The following WDFY4 variants were observed in gnomAD, a reference collection of about 807,000 sequenced individuals.
WDFY4 encodes the protein WDFY family member 4.
A neutral mutation model predicts 351.9 loss-of-function variants in WDFY4; 169 were observed. That is an observed-to-expected ratio of 0.48 (90% CI 0.42 to 0.55). The LOEUF is 0.55. Ranked by LOEUF, WDFY4 falls within the 20% of genes least tolerant of loss-of-function variation. The probability of loss-of-function intolerance (pLI) is 0.00; values close to 1 mark genes in which losing one functional copy is unlikely to be tolerated. For missense variants in WDFY4, 3,803 were observed against 3,935.6 expected (o/e 0.97, Z 0.90); for synonymous variants, 1,622 against 1,574.6 (o/e 1.03, Z -0.71).
rs962956181 is a variant in WDFY4 at position 48,913,542 on chromosome 10, T to A, written c.7586+11679T>A. ...TTTTCTCAGGCAAGCCGCACACAGA[T>A]CCTTCTCCTCCACAACATACAAGTT... On this transcript the variant is annotated intron_variant, in intron 47 of 61. Coordinates refer to ENST00000325239, the MANE Select transcript of WDFY4 (RefSeq NM_001394531.1). 3.7e-6 allele frequency: 6 copies of A among 1,614,008 alleles called. No individual in the cohort carries two copies. In the South Asian group the frequency reaches 5.5e-5, roughly 15 times the overall value.
intron 39 of WDFY4, among the ~76,000 whole-genome samples, chr10:48,840,314 G>A: frequency 6.6e-6 from 1 of 151,974 alleles, no homozygotes; most frequent in East Asian, 1.9e-4. Flanking sequence ...AATTCAACCA[G>A]CCTGGGGCGG....
intron 43 of WDFY4, chr10:48,878,338 T>A (rs897921605): frequency 1.3e-5 from 2 of 152,104 alleles, no homozygotes; most frequent in Admixed American, 1.3e-4. Context: ...TGGGAGTGGA[T>A]CTGAACCAAG....
chr10:48,922,190 T>G (rs1839143779), intron 47 of WDFY4, among the ~76,000 whole-genome samples: 1 of 152,176 alleles, frequency 6.6e-6, no homozygotes, highest in Non-Finnish European at 1.5e-5. Context: ...AATAAGAAAT[T>G]CATACATTTT....
chr10:48,786,111 T>C (rs2066396864), intron 19 of WDFY4, among the ~76,000 whole-genome samples: 1 of 152,178 alleles, frequency 6.6e-6, no homozygotes, highest in Non-Finnish European at 1.5e-5. Flanking sequence ...TTGTAAGTGG[T>C]ATTGTGTTTA....
At chr10:48,955,932 A>C (rs535932505) in intron 51 of WDFY4, among the ~76,000 whole-genome samples, 1 of 152,258 alleles carries the variant, frequency 6.6e-6, no homozygotes, top group Admixed American at 6.5e-5. Context: ...TTTTTGTTAT[A>C]CAAAGGCCCA....
chr10:48,801,555 C>G (rs1321212466), intron 24 of WDFY4: 1 of 455,646 alleles, frequency 2.2e-6, no homozygotes, highest in Non-Finnish European at 4.4e-6. Context: ...ACTAGAGCTG[C>G]CTTCATCAAT....
intron 38 of WDFY4, among the ~76,000 whole-genome samples, chr10:48,831,209 A>G (rs1178160005): frequency 1.3e-5 from 2 of 152,118 alleles, no homozygotes; most frequent in Admixed American, 6.5e-5. Context: ...TTATCCACCG[A>G]CCAGCTTTGA....
At chr10:48,829,975 T>G (rs1213763231) in intron 37 of WDFY4, among the ~76,000 whole-genome samples, 1 of 152,224 alleles carries the variant, frequency 6.6e-6, no homozygotes, top group Non-Finnish European at 1.5e-5. Flanking sequence ...GGTACATACT[T>G]TGGGACTTGG....
intron 44 of WDFY4, among the ~76,000 whole-genome samples, chr10:48,896,429 A>G (rs1293256791): frequency 2.6e-5 from 4 of 152,132 alleles, no homozygotes; most frequent in Non-Finnish European, 5.9e-5. Context: ...AGGGCTGCCG[A>G]AGATGTCAGG....
intron 39 of WDFY4, among the ~76,000 whole-genome samples, chr10:48,846,643 T>G (rs1430072806): frequency 6.6e-6 from 1 of 152,226 alleles, no homozygotes; most frequent in Non-Finnish European, 1.5e-5. Flanking sequence ...GGAGAAATGT[T>G]GGTATTGACC....
At chr10:48,852,560 A>G (rs1223074014) in intron 39 of WDFY4, among the ~76,000 whole-genome samples, 1 of 152,152 alleles carries the variant, frequency 6.6e-6, no homozygotes, top group Non-Finnish European at 1.5e-5. Flanking sequence ...TCTCCCAAGC[A>G]TTCACCACTC....
intron 47 of WDFY4, among the ~76,000 whole-genome samples, chr10:48,911,104 T>C (rs17699932): frequency 0.048 from 7,277 of 152,304 alleles, 247 homozygotes; most frequent in Middle Eastern, 0.095. Flanking sequence ...AAATAGCAGA[T>C]TGGCTCCCTT....
chr10:48,970,273 G>C lies in WDFY4; in HGVS notation c.8912G>C (p.Gly2971Ala). The C allele has an allele frequency of 1.3e-6, 2 of 1,551,110 alleles. No individual in the cohort carries two copies. The highest frequency in any genetic ancestry group is 1.7e-6 in the Non-Finnish European group (2 of 1,146,998). Residue 2971 changes from glycine to alanine, a missense_variant, in exon 57 of 62, where the codon GGC becomes GCC. Around this residue, in one of 3 missense-constraint regions of WDFY4, gnomAD observed 3,054 missense variants for 3,148.6 expected, o/e 0.97. Coordinates refer to ENST00000325239, the MANE Select transcript of WDFY4 (RefSeq NM_001394531.1). ...ELSMTKGRPR[G>A]LRLRQALYGH... ...AGCATGACCAAAGGCCGCCCGAGGGGCTTGCGCCTCCGGCAGGTATGGTCC... is the reference window on the plus strand; with the variant it reads ...AGCATGACCAAAGGCCGCCCGAGGGCCTTGCGCCTCCGGCAGGTATGGTCC...
At chr10:48,833,510 C>A (rs1049320060) in intron 39 of WDFY4, among the ~76,000 whole-genome samples, 1 of 152,154 alleles carries the variant, frequency 6.6e-6, no homozygotes, top group African/African-American at 2.4e-5. Flanking sequence ...CATGCAGTGT[C>A]ACCTCCATCA....
At chr10:48,816,868 A>G (rs556937678) in intron 31 of WDFY4, among the ~76,000 whole-genome samples, 1 of 152,262 alleles carries the variant, frequency 6.6e-6, no homozygotes, top group Admixed American at 6.5e-5. Context: ...CAACAATAAC[A>G]AAGTTACTCA....
At chr10:48,719,873 A>G in intron 2 of WDFY4, 138 bp from the exon 3 acceptor site, 1 of 684,920 alleles carries the variant, frequency 1.5e-6, no homozygotes, top group Non-Finnish European at 2.5e-6. Flanking sequence ...AGGGTGGGTG[A>G]CGTGGTGGCC....
chr10:48,958,053 C>T (rs200867717), intron 52 of WDFY4, among the ~76,000 whole-genome samples: 1 of 152,194 alleles, frequency 6.6e-6, no homozygotes, highest in African/African-American at 2.4e-5. Context: ...AGAGCCCCCC[C>T]TCGTCAGTGT....
intron 47 of WDFY4, among the ~76,000 whole-genome samples, chr10:48,928,353 C>CAT (rs768718529): frequency 8.0e-6 from 1 of 124,960 alleles, no homozygotes; most frequent in Non-Finnish European, 1.7e-5. Context: ...TTGGTTTTGA[C>CAT]GTGTGTGTGT....
At chr10:48,823,063 A>G in intron 35 of WDFY4, 1 of 1,146,984 alleles carries the variant, frequency 8.7e-7, no homozygotes, top group Non-Finnish European at 1.2e-6. Flanking sequence ...TACCTGTACA[A>G]ATGCATACCT....
Sources: gnomAD v4.1 joint callset for allele counts (sites outside exome capture counted in the v4.1 genomes callset) on GRCh38, gnomAD v4.1.1 for gene constraint, gnomAD v4.1.1 regional missense constraint, MANE v1.5 for transcripts, NCBI Gene and HGNC (gene_info 2026-07-23, HGNC 2026-07-21) for gene names.